Variants in PNMA8B observed in about 807,000 individuals in gnomAD.
The protein encoded by PNMA8B is PNMA family member 8B, also known as paraneoplastic antigen-like protein 8B.
For synonymous variants in PNMA8B, 386 were observed against 394.9 expected (o/e 0.98, Z 0.27); for missense variants, 887 against 885.8 (o/e 1.00, Z -0.02).
Position 46,493,375 on chromosome 19 carries a change from G to T in PNMA8B, c.*183C>A, listed in dbSNP as rs1053209078. The T allele has an allele frequency of 2.4e-6, 1 of 414,924 alleles. No homozygotes were observed. The highest frequency in any genetic ancestry group is 4.1e-6 in the Non-Finnish European group (1 of 241,598). 25.7% of individuals were successfully genotyped at this position (414,924 alleles called of 1,614,324 possible). On this transcript the variant is annotated 3_prime_UTR_variant, in exon 1 of 1. Transcript: ENST00000599531. The surrounding 1 kb of genome is among the most constrained non-coding windows in gnomAD (Gnocchi z 5.3). ...GGCTTCCTCCGTCGGGATCGCTGGC[G>T]CCCCCGGCCTGCGAGGGCCCGAGAG...
chr19:46,495,133 C>A lies in PNMA8B; in HGVS notation c.333G>T (p.Leu111=), dbSNP rs373192275. ...RVLRQMRRLL[L]DDGPTQAAEA... is the part of the protein sequence containing the mutation. ...CCGCGGCCTGCGTGGGCCCGTCATC[C>A]AGCAGCAGGCGTCTCATCTGCCTCA... The change falls in exon 1 of 1, where the codon CTG becomes CTT. Residue 111 remains leucine, a synonymous_variant. Coordinates refer to ENST00000599531, the MANE Select transcript of PNMA8B (RefSeq NM_020709.3). 3.1e-6 allele frequency: 5 copies of A among 1,613,768 alleles called. 1 individual carries two copies. In the Admixed American group the frequency reaches 6.7e-5, roughly 22 times the overall value.
chr19:46,494,830 G>T lies in PNMA8B; in HGVS notation c.636C>A (p.Gly212=). The T allele has an allele frequency of 6.2e-7, 1 of 1,613,380 alleles. No homozygotes were observed. The highest frequency in any genetic ancestry group is 8.5e-7 in the Non-Finnish European group (1 of 1,179,884). ...TCTGGTCCTCTTCTCCGCTCAGGTC[G>T]CCCTGGTCGATCTCCTCGATCACGA... is the stretch of plus-strand genomic sequence containing the variant. The part of the protein sequence containing the change: ...LGIVIEEIDQ[G]DLSGEEDQSA... The change falls in exon 1 of 1, where the codon GGC becomes GGA. Residue 212 remains glycine (G), a synonymous_variant. Coordinates refer to ENST00000599531, the MANE Select transcript of PNMA8B (RefSeq NM_020709.3).
Position 46,494,970 on chromosome 19 carries a change from T to G in PNMA8B, c.496A>C (p.Asn166His), listed in dbSNP as rs150762631. Reference protein sequence around the residue: ...NPRRGRRGRRNRTRRNRLTQK... With the variant: ...NPRRGRRGRRHRTRRNRLTQK... ...GTCAACCTGTTGCGTCTGGTTCTGT[T>G]TCTGCGACCCCGACGGCCCCTCCTT... The change falls in exon 1 of 1, where the codon AAC (asparagine) becomes CAC (histidine). Residue 166 changes from asparagine to histidine, a missense_variant. Coordinates refer to ENST00000599531, the MANE Select transcript of PNMA8B (RefSeq NM_020709.3). The G allele has an allele frequency of 2.3e-4, 372 of 1,609,210 alleles. No individual in the cohort carries two copies. In the African/African-American group the frequency reaches 4.5e-3, roughly 19 times the overall value.
In PNMA8B at chr19:46,494,829, C is replaced by T. The variant is rs752288047; in HGVS notation, c.637G>A (p.Asp213Asn). The part of the protein sequence containing the change: ...GIVIEEIDQG[D>N]LSGEEDQSAL... ...CTCTGGTCCTCTTCTCCGCTCAGGT[C>T]GCCCTGGTCGATCTCCTCGATCACG... Residue 213 changes from aspartate (D) to asparagine (N), a missense_variant, in exon 1 of 1, where the codon GAC (aspartate) becomes AAC (asparagine). Coordinates refer to ENST00000599531, the MANE Select transcript of PNMA8B (RefSeq NM_020709.3). The T allele has an allele frequency of 6.2e-7, 1 of 1,613,500 alleles. No individual in the cohort carries two copies. The highest frequency in any genetic ancestry group is 1.1e-5 in the South Asian group (1 of 91,084).
Position 46,493,416 on chromosome 19 carries a change from G to T in PNMA8B, c.*142C>A, listed in dbSNP as rs545136133. ...GGCCCGAGAGGGGAACGTGACGCTGGCAAAACGCGGCCCGGGCGCGCTGTG... is the reference window on the plus strand; with the variant it reads ...GGCCCGAGAGGGGAACGTGACGCTGTCAAAACGCGGCCCGGGCGCGCTGTG... On this transcript the variant is annotated 3_prime_UTR_variant, in exon 1 of 1. Transcript: ENST00000599531. This position sits in a 1 kb window ranked among gnomAD's most constrained non-coding sequence, Gnocchi z 5.3. 8 of 507,890 alleles carry T rather than the reference G, an allele frequency of 1.6e-5. No individual in the cohort carries two copies. The highest frequency in any genetic ancestry group is 1.4e-4 in the African/African-American group (7 of 49,556). The allele number at this position is 507,890 out of a possible 1,614,324, so 31.5% of individuals were successfully genotyped here.
At position 46,491,889 on chromosome 19, in the gene PNMA8B, C is replaced by A; in HGVS notation, c.*1669G>T. 1 of 175,146 alleles carries A rather than the reference C, an allele frequency of 5.7e-6. No individual in the cohort carries two copies. Among genetic ancestry groups the A allele is most frequent in the Non-Finnish European group, 1.2e-5 (1 of 80,942 alleles). 10.8% of individuals were successfully genotyped at this position (175,146 alleles called of 1,614,324 possible). The stretch of plus-strand genomic sequence containing the variant: ...ACTGGAGGATCCAGGTGACACAGGG[C>A]ACAGGGAGAGAAGCCTAGGACTGCT... On this transcript the variant is annotated 3_prime_UTR_variant, in exon 1 of 1. Transcript: ENST00000599531.
In PNMA8B at chr19:46,491,448, G is replaced by A. The variant is rs539014356; in HGVS notation, c.*2110C>T. ...GGAGGCAGAAAACTCAGGTAGGATG[G>A]AAAGCTGAGTCTGAGGTCCAGGGCA... On this transcript the variant is annotated 3_prime_UTR_variant, in exon 1 of 1. Transcript: ENST00000599531. 2.4e-3 allele frequency: 370 copies of A among 152,642 alleles called. 2 individuals are homozygous for A. Among genetic ancestry groups the A allele is most frequent in the Non-Finnish European group, 1.4e-3 (98 of 68,318 alleles). The allele number at this position is 152,642 out of a possible 1,614,324, so 9.5% of individuals were successfully genotyped here.
rs35069840 is a variant in PNMA8B, at chr19:46,493,240, AC to A, written c.*317del. 3.8e-6 allele frequency: 1 copy of A among 265,556 alleles called. No homozygotes were observed. 16.4% of individuals were successfully genotyped at this position (265,556 alleles called of 1,614,324 possible). On this transcript the variant is annotated 3_prime_UTR_variant, in exon 1 of 1. Transcript: ENST00000599531. The surrounding 1 kb of genome is among the most constrained non-coding windows in gnomAD (Gnocchi z 5.3). ...GCAGGTGCCCGGCGTCCACACACAC[AC>A]CCCCTCCGGGGGCAACCCGGGCCCC...
chr19:46,495,630 C>G lies in PNMA8B; in HGVS notation c.-165G>C. Reference sequence around the variant, plus strand: ...GAGTGGGGCTCGGGGCTCGGGGGCTCTAGCTGCCTGCTGGCCGGCTGGACG... The same window carrying G: ...GAGTGGGGCTCGGGGCTCGGGGGCTGTAGCTGCCTGCTGGCCGGCTGGACG... On this transcript the variant is annotated 5_prime_UTR_variant, in exon 1 of 1. Coordinates refer to ENST00000599531, the MANE Select transcript of PNMA8B (RefSeq NM_020709.3). 1 of 852,152 alleles carries G rather than the reference C, an allele frequency of 1.2e-6. No individual in the cohort carries two copies. The highest frequency in any genetic ancestry group is 2.0e-5 in the South Asian group (1 of 50,432). The allele number at this position is 852,152 out of a possible 1,614,324, so 52.8% of individuals were successfully genotyped here. A position where few individuals can be genotyped will look rare whatever the true frequency, so the allele number is the denominator to read the frequency against.
rs530301507 is a variant in PNMA8B, at chr19:46,493,655, C to T, written c.1811G>A (p.Arg604Lys). The T allele has an allele frequency of 1.3e-4, 205 of 1,535,082 alleles. 1 individual carries two copies. The highest frequency in any genetic ancestry group is 1.3e-3 in the Admixed American group (67 of 52,648). Residue 604 changes from arginine to lysine, a missense_variant, in exon 1 of 1, where the codon AGG (arginine) becomes AAG (lysine). Physicochemically the swap from Arg to Lys is conservative, Grantham distance 26 (BLOSUM62 2). Transcript: ENST00000599531. This position sits in a 1 kb window ranked among gnomAD's most constrained non-coding sequence, Gnocchi z 5.3. ...KGSAGAGAHA[R>K]AGEAKGQAPT... The stretch of plus-strand genomic sequence containing the variant: ...CGCCTGGCCCTTGGCCTCGCCTGCC[C>T]TGGCATGGGCCCCGGCGCCCGCGCT...
At position 46,495,623 on chromosome 19, in the gene PNMA8B, G is replaced by A. The variant is rs943023044; in HGVS notation, c.-158C>T. The A allele has an allele frequency of 2.2e-6, 2 of 925,072 alleles. No homozygotes were observed. Among genetic ancestry groups the A allele is most frequent in the Non-Finnish European group, 3.2e-6 (2 of 626,778 alleles). The allele number at this position is 925,072 out of a possible 1,614,324, so 57.3% of individuals were successfully genotyped here. On this transcript the variant is annotated 5_prime_UTR_variant, in exon 1 of 1. Coordinates refer to ENST00000599531, the MANE Select transcript of PNMA8B (RefSeq NM_020709.3). Reference sequence around the variant, plus strand: ...AAGGCTGGAGTGGGGCTCGGGGCTCGGGGGCTCTAGCTGCCTGCTGGCCGG... The same window carrying A: ...AAGGCTGGAGTGGGGCTCGGGGCTCAGGGGCTCTAGCTGCCTGCTGGCCGG...
In PNMA8B at chr19:46,495,164, C is replaced by G; in HGVS notation, c.302G>C (p.Arg101Thr). ...CAGGCGTCTCATCTGCCTCAGGACCCTCGTGTCCTGCGCACGGTCCTTCCA... is the reference window on the plus strand; with the variant it reads ...CAGGCGTCTCATCTGCCTCAGGACCGTCGTGTCCTGCGCACGGTCCTTCCA... ...VLWKDRAQDT[R>T]VLRQMRRLLL... Residue 101 changes from arginine (R) to threonine (T), a missense_variant, in exon 1 of 1, where the codon AGG becomes ACG. Physicochemically the swap from Arg to Thr is moderately conservative, Grantham distance 71 (BLOSUM62 -1). Coordinates refer to ENST00000599531, the MANE Select transcript of PNMA8B (RefSeq NM_020709.3). 1 of 1,614,002 alleles carries G rather than the reference C, an allele frequency of 6.2e-7. No homozygotes were observed. The highest frequency in any genetic ancestry group is 8.5e-7 in the Non-Finnish European group (1 of 1,179,876).
Position 46,493,776 on chromosome 19 carries a change from C to T in PNMA8B, c.1690G>A (p.Gly564Ser), listed in dbSNP as rs534649722. The T allele has an allele frequency of 1.7e-5, 23 of 1,380,878 alleles. No individual in the cohort carries two copies. In the African/African-American group the frequency reaches 3.2e-4, roughly 19 times the overall value. 85.5% of individuals were successfully genotyped at this position (1,380,878 alleles called of 1,614,324 possible). ...ASGARKTRAG[G>S]RGRGRGVTPE... ...GTGACGCCCCGGCCTCGGCCTCGGC[C>T]GCCCGCGCGGGTTTTGCGGGCCCCG... Residue 564 changes from glycine (G) to serine (S), a missense_variant, in exon 1 of 1, where the codon GGC (glycine) becomes AGC (serine). Physicochemically the swap from Gly to Ser is moderately conservative, Grantham distance 56 (BLOSUM62 0). Transcript: ENST00000599531. The surrounding 1 kb of genome is among the most constrained non-coding windows in gnomAD (Gnocchi z 5.3).
Position 46,492,365 on chromosome 19 carries a change from G to A in PNMA8B, c.*1193C>T, listed in dbSNP as rs1344397237. ...GAAGCATACGGCACGGCACGGCACA[G>A]ACTCACATACAACTCAAGCGTGCTT... is the stretch of plus-strand genomic sequence containing the variant. On this transcript the variant is annotated 3_prime_UTR_variant, in exon 1 of 1. Transcript: ENST00000599531. The A allele has an allele frequency of 4.0e-6, 1 of 247,080 alleles. No individual in the cohort carries two copies. The highest frequency in any genetic ancestry group is 8.5e-6 in the Non-Finnish European group (1 of 117,542). The allele number at this position is 247,080 out of a possible 1,614,324, so 15.3% of individuals were successfully genotyped here. A position where few individuals can be genotyped will look rare whatever the true frequency, so the allele number is the denominator to read the frequency against.
At position 46,494,348 on chromosome 19, in the gene PNMA8B, C is replaced by T. The variant is rs1601504369; in HGVS notation, c.1118G>A (p.Arg373Gln). The change falls in exon 1 of 1, where the codon CGA becomes CAA. Residue 373 changes from arginine to glutamine, a missense_variant. By Grantham distance (43) the Arg-to-Gln change is conservative. Transcript: ENST00000599531. ...CTTGGACATGACGGACAAGACCTGT[C>T]GGAGGGGGTCTCGCTTGTCTTTCTC... ...SDEKDKRDPL[R>Q]QVLSVMSKDT... 2.5e-6 allele frequency: 4 copies of T among 1,613,090 alleles called. No individual in the cohort carries two copies. Among genetic ancestry groups the T allele is most frequent in the African/African-American group, 1.3e-5 (1 of 74,934 alleles).
rs943842749 is a variant in PNMA8B at position 46,493,253 on chromosome 19, G to A, written c.*305C>T. ...GTCCACACACACACCCCCTCCGGGG[G>A]CAACCCGGGCCCCCAATCCTGGTCC... On this transcript the variant is annotated 3_prime_UTR_variant, in exon 1 of 1. Transcript: ENST00000599531. This position sits in a 1 kb window ranked among gnomAD's most constrained non-coding sequence, Gnocchi z 5.3. 3.3e-6 allele frequency: 1 copy of A among 301,560 alleles called. No homozygotes were observed. The highest frequency in any genetic ancestry group is 6.1e-6 in the Non-Finnish European group (1 of 164,788). 18.7% of individuals were successfully genotyped at this position (301,560 alleles called of 1,614,324 possible).
In PNMA8B at chr19:46,493,826, G is replaced by C; in HGVS notation, c.1640C>G (p.Pro547Arg). 3 of 1,388,716 alleles carry C rather than the reference G, an allele frequency of 2.2e-6. No homozygotes were observed. The highest frequency in any genetic ancestry group is 2.8e-6 in the Non-Finnish European group (3 of 1,075,278). 86.0% of individuals were successfully genotyped at this position (1,388,716 alleles called of 1,614,324 possible). A position where few individuals can be genotyped will look rare whatever the true frequency, so the allele number is the denominator to read the frequency against. ...GGAAGCGGTGGGAGGCGCGCCGGCC[G>C]GAGTCAGGCCCCTGGGGGCCGTGCG... ...RARTAPRGLT[P>R]AGAPPTASGA... The change falls in exon 1 of 1, where the codon CCG becomes CGG. Residue 547 changes from proline to arginine, a missense_variant. Coordinates refer to ENST00000599531, the MANE Select transcript of PNMA8B (RefSeq NM_020709.3). This position sits in a 1 kb window ranked among gnomAD's most constrained non-coding sequence, Gnocchi z 5.3.
Position 46,492,348 on chromosome 19 carries a change from C to A in PNMA8B, c.*1210G>T. ...CCGGGGTTGCAGGAGCTGAAGCATA[C>A]GGCACGGCACGGCACAGACTCACAT... On this transcript the variant is annotated 3_prime_UTR_variant, in exon 1 of 1. Transcript: ENST00000599531. The A allele has an allele frequency of 3.7e-6, 1 of 268,602 alleles. No individual in the cohort carries two copies. The highest frequency in any genetic ancestry group is 7.8e-6 in the Non-Finnish European group (1 of 128,754). The allele number at this position is 268,602 out of a possible 1,614,324, so 16.6% of individuals were successfully genotyped here.
Position 46,494,514 on chromosome 19 carries a change from C to T in PNMA8B, c.952G>A (p.Glu318Lys). The change falls in exon 1 of 1, where the codon GAA becomes AAA. Residue 318 changes from glutamate (E) to lysine (K), a missense_variant. Transcript: ENST00000599531. ...DSDTSESDSQ[E>K]SGDQETEELD... The stretch of plus-strand genomic sequence containing the variant: ...TCCTCTGTTTCTTGGTCCCCACTTT[C>T]CTGCGAGTCGCTCTCCGAAGTGTCG... 6.2e-7 allele frequency: 1 copy of T among 1,614,072 alleles called. No individual in the cohort carries two copies. The highest frequency in any genetic ancestry group is 8.5e-7 in the Non-Finnish European group (1 of 1,179,904).
Sources: allele counts gnomAD v4.1 joint callset, GRCh38; gene constraint gnomAD v4.1.1; non-coding constraint Gnocchi (gnomAD v3.1); transcripts MANE v1.5; gene names NCBI Gene and HGNC (gene_info 2026-07-23, HGNC 2026-07-21).